The following CNTLN variants were observed in gnomAD, a reference collection of about 807,000 sequenced individuals.
CNTLN encodes the protein centlein, centrosomal protein.
A neutral mutation model predicts 180.0 loss-of-function variants in CNTLN; 212 were observed. The ratio of observed to expected loss-of-function variants is 1.18; its 90% CI spans 1.05 to 1.32. The LOEUF (loss-of-function observed/expected upper bound fraction) is 1.32, where lower values mean the gene tolerates loss of function less well. Ranked by LOEUF, CNTLN falls within the 40% of genes most tolerant of loss-of-function variation. CNTLN has a pLI of 0.00. For missense variants in CNTLN, 2,095 were observed against 1,610.9 expected, an observed-to-expected ratio of 1.30 and a Z score of -5.14; for synonymous variants, 722 against 563.1, an observed-to-expected ratio of 1.28 and a Z score of -3.99.
chr9:17,379,408 A>T (rs912284436), intron 13 of CNTLN, among the ~76,000 whole-genome samples: 87 of 152,048 alleles, frequency 5.7e-4, no homozygotes, highest in Non-Finnish European at 1.0e-3. Flanking sequence ...TTGCCCTGCA[A>T]ACTCTAGCTC....
Position 17,423,036 on chromosome 9 carries a change from C to A in CNTLN, c.3114+6847C>A, listed in dbSNP as rs1047466638. 5.3e-5 allele frequency among the ~76,000 whole-genome samples: 8 copies of A among 152,192 alleles called. No individual in the cohort carries two copies. The East Asian group carries it at 5.8e-4, about 11-fold the overall frequency. ...AATTCCCTGGATTGCCAGACAGAGA[C>A]TGTCATTCTCTTCCCTCACTTTGCC... On this transcript the variant is annotated intron_variant, in intron 18 of 25. Coordinates refer to ENST00000380647, the MANE Select transcript of CNTLN (RefSeq NM_017738.4).
At chr9:17,416,669 A>C (rs114985446) in intron 18 of CNTLN, among the ~76,000 whole-genome samples, 1,604 of 152,276 alleles carry the variant, frequency 0.011, 21 homozygotes, top group African/African-American at 0.036. Flanking sequence ...GTATTCCAGT[A>C]ATCTATCTGT....
chr9:17,382,417 A>G (rs986223017), intron 13 of CNTLN, among the ~76,000 whole-genome samples: 6 of 152,208 alleles, frequency 3.9e-5, no homozygotes, highest in Non-Finnish European at 5.9e-5. Context: ...CTTAGAGCCA[A>G]ATCAAGGGAA....
At chr9:17,298,638 G>A (rs1300827350) in intron 7 of CNTLN, 1 of 1,045,400 alleles carries the variant, frequency 9.6e-7, no homozygotes, top group African/African-American at 1.7e-5. Context: ...AAACATACTA[G>A]GAGTATAGTC....
intron 13 of CNTLN, among the ~76,000 whole-genome samples, chr9:17,367,571 C>A (rs1206071914): frequency 6.6e-6 from 1 of 152,100 alleles, no homozygotes. Flanking sequence ...CAGCTCATGG[C>A]TCTGAAAGGA....
At chr9:17,360,380 A>G (rs916087912) in intron 12 of CNTLN, among the ~76,000 whole-genome samples, 8 of 152,184 alleles carry the variant, frequency 5.3e-5, no homozygotes, top group African/African-American at 1.7e-4. Flanking sequence ...GGTAGAGGTC[A>G]GTGGATTGGA....
intron 2 of CNTLN, among the ~76,000 whole-genome samples, chr9:17,196,820 G>A (rs1474551562): frequency 2.0e-5 from 3 of 151,910 alleles, no homozygotes; most frequent in Admixed American, 6.6e-5. Flanking sequence ...AGTAAATGGG[G>A]TGTACATTAC....
At chr9:17,346,603 G>T (rs1408265091) in intron 12 of CNTLN, among the ~76,000 whole-genome samples, 3 of 152,088 alleles carry the variant, frequency 2.0e-5, no homozygotes, top group Non-Finnish European at 2.9e-5. Flanking sequence ...TTGAATCTTT[G>T]TTCCACAATA....
chr9:17,235,234 A>T (rs925516734), intron 3 of CNTLN, among the ~76,000 whole-genome samples: 2 of 152,218 alleles, frequency 1.3e-5, no homozygotes, highest in African/African-American at 4.8e-5. Flanking sequence ...CATTTTAAAA[A>T]TTTTAAAGTG....
intron 13 of CNTLN, among the ~76,000 whole-genome samples, chr9:17,387,897 G>C (rs1024656921): frequency 6.6e-6 from 1 of 150,472 alleles, no homozygotes; most frequent in Non-Finnish European, 1.5e-5. Flanking sequence ...GAATAAAAGT[G>C]TAGCATTGTT....
At chr9:17,297,896 G>A (rs1287900098) in intron 6 of CNTLN, among the ~76,000 whole-genome samples, 1 of 152,082 alleles carries the variant, frequency 6.6e-6, no homozygotes, top group African/African-American at 2.4e-5. Flanking sequence ...AAACTGAAGT[G>A]TTTACTTAAA....
intron 11 of CNTLN, among the ~76,000 whole-genome samples, 188 bp from the exon 12 acceptor site, chr9:17,342,137 C>G (rs528297044): frequency 6.6e-6 from 1 of 152,130 alleles, no homozygotes; most frequent in Admixed American, 6.5e-5. Flanking sequence ...AGCAGTTTAG[C>G]TTCAAAAAAT....
chr9:17,478,143 A>G (rs1328020405), intron 23 of CNTLN, among the ~76,000 whole-genome samples: 2 of 152,360 alleles, frequency 1.3e-5, no homozygotes, highest in South Asian at 2.1e-4. Flanking sequence ...TAATTAAGAT[A>G]TGTACATTTC....
intron 5 of CNTLN, among the ~76,000 whole-genome samples, chr9:17,264,103 C>T (rs1211197963): frequency 6.9e-6 from 1 of 144,694 alleles, no homozygotes; most frequent in African/African-American, 2.7e-5. Flanking sequence ...TTGTTTCAGA[C>T]ATGAAGTCCT....
chr9:17,363,691 A>G (rs897118388), intron 12 of CNTLN, among the ~76,000 whole-genome samples: 9 of 152,076 alleles, frequency 5.9e-5, no homozygotes, highest in Non-Finnish European at 1.2e-4. Context: ...ATGATCCAAT[A>G]TCGTTTTGTT....
intron 2 of CNTLN, among the ~76,000 whole-genome samples, chr9:17,149,546 C>G (rs1055562885): frequency 6.7e-5 from 8 of 120,042 alleles, no homozygotes; most frequent in African/African-American, 2.7e-4. Context: ...GAGACTGGGT[C>G]TCGCTCTGTC....
At chr9:17,207,093 G>A (rs989731363) in intron 2 of CNTLN, among the ~76,000 whole-genome samples, 4 of 152,168 alleles carry the variant, frequency 2.6e-5, no homozygotes, top group Admixed American at 6.5e-5. Context: ...TGGAGCCCAG[G>A]CTGTTGCTTC....
intron 21 of CNTLN, among the ~76,000 whole-genome samples, chr9:17,464,834 T>C (rs1446028898): frequency 6.6e-6 from 1 of 151,240 alleles, no homozygotes; most frequent in Admixed American, 6.6e-5. Flanking sequence ...CCACACATTC[T>C]GTTTCTATTT....
At chr9:17,406,077 A>C (rs1827366254) in intron 15 of CNTLN, among the ~76,000 whole-genome samples, 1 of 151,836 alleles carries the variant, frequency 6.6e-6, no homozygotes, top group Non-Finnish European at 1.5e-5. Context: ...GCTTTACCCC[A>C]CCAAGCCTAT....
Sources: allele counts gnomAD v4.1 joint callset (sites outside exome capture counted in the v4.1 genomes callset), GRCh38; gene constraint gnomAD v4.1.1; transcripts MANE v1.5; gene names NCBI Gene and HGNC (gene_info 2026-07-23, HGNC 2026-07-21).